The following TMBIM1 variants were observed in gnomAD, a reference collection of about 807,000 sequenced individuals.
TMBIM1 encodes transmembrane BAX inhibitor motif containing 1.
A neutral mutation model predicts 45.1 loss-of-function variants in TMBIM1; 34 were observed. That is an observed-to-expected ratio of 0.75 (90% CI 0.57 to 1.00). The LOEUF (loss-of-function observed/expected upper bound fraction) is 1.00. TMBIM1 is among the 50% of genes least tolerant of loss of function. The pLI is 0.00. For synonymous variants in TMBIM1, 157 were observed against 153.5 expected, an observed-to-expected ratio of 1.02 and a Z score of -0.17; for missense variants, 374 against 402.4, an observed-to-expected ratio of 0.93 and a Z score of 0.60.
chr2:218,291,163 A>T (rs1307914409), intron 1 of TMBIM1, among the ~76,000 whole-genome samples: 1 of 152,186 alleles, frequency 6.6e-6, no homozygotes, highest in Non-Finnish European at 1.5e-5. Context: ...CTTACAGGAT[A>T]ACCCATCATT....
intron 1 of TMBIM1, among the ~76,000 whole-genome samples, chr2:218,289,116 G>C (rs1465363484): frequency 1.3e-5 from 2 of 152,250 alleles, no homozygotes; most frequent in Non-Finnish European, 2.9e-5. Context: ...TGCGTGAATA[G>C]GCAGCACCAG....
intron 3 of TMBIM1, 149 bp downstream of exon 3, chr2:218,279,877 G>GC: frequency 1.5e-6 from 1 of 654,814 alleles, no homozygotes; most frequent in Non-Finnish European, 2.7e-6. Flanking sequence ...GAAGCCAGGT[G>GC]CCCCTCTGAG....
intron 1 of TMBIM1, chr2:218,287,152 G>A (rs769067285): frequency 5.9e-5 from 9 of 152,164 alleles, no homozygotes; most frequent in Non-Finnish European, 1.3e-4. Flanking sequence ...AGAGGATGAA[G>A]CCACAGGGAT....
At position 218,279,318 on chromosome 2, in the gene TMBIM1, A is replaced by G. The variant is rs1050673903; in HGVS notation, c.339T>C (p.Thr113=). The G allele has an allele frequency of 3.1e-6, 5 of 1,588,618 alleles. No individual in the cohort carries two copies. Among genetic ancestry groups the G allele is most frequent in the African/African-American group, 2.7e-5 (2 of 74,136 alleles). The change falls in exon 4 of 12, where the codon ACT becomes ACC. Residue 113 remains threonine, a synonymous_variant. Coordinates refer to ENST00000258412, the MANE Select transcript of TMBIM1 (RefSeq NM_022152.6). The part of the protein sequence containing the change: ...YSIISVQLLI[T]VAIIAIFTFV... ...AGGTGAAGATAGCAATGATGGCCAC[A>G]GTGATGAGCAGCTGCACGGAGATGA... is the stretch of plus-strand genomic sequence containing the variant.
At chr2:218,285,851 G>C (rs1448930605) in intron 1 of TMBIM1, 1 of 153,038 alleles carries the variant, frequency 6.5e-6, no homozygotes, top group African/African-American at 2.4e-5. Flanking sequence ...GCCTGCTCTT[G>C]GGCTTCTGCC....
At chr2:218,285,336 G>A (rs1692418665) in intron 1 of TMBIM1, among the ~76,000 whole-genome samples, 1 of 152,298 alleles carries the variant, frequency 6.6e-6, no homozygotes, top group East Asian at 1.9e-4. Context: ...CCAAGCCCCT[G>A]CTCTTAATCC....
intron 5 of TMBIM1, among the ~76,000 whole-genome samples, chr2:218,278,814 A>C (rs1267408281): frequency 6.6e-6 from 1 of 152,236 alleles, no homozygotes; most frequent in African/African-American, 2.4e-5. Context: ...GCTGCAGCGC[A>C]GCGTGCACGC....
chr2:218,290,987 G>A (rs1256131188), intron 1 of TMBIM1, among the ~76,000 whole-genome samples: 1 of 152,200 alleles, frequency 6.6e-6, no homozygotes, highest in Non-Finnish European at 1.5e-5. Context: ...AAGTATGTGT[G>A]TTTCCCTTCT....
chr2:218,289,417 G>A (rs557517094), intron 1 of TMBIM1, among the ~76,000 whole-genome samples: 12 of 152,146 alleles, frequency 7.9e-5, no homozygotes, highest in East Asian at 3.9e-4. Context: ...CGAGCCAGGC[G>A]GATCACTTGA....
chr2:218,277,826 G>A, intron 7 of TMBIM1, 109 bp downstream of exon 7: 1 of 1,555,832 alleles, frequency 6.4e-7, no homozygotes, highest in Non-Finnish European at 8.8e-7. Flanking sequence ...GCCCAGATAA[G>A]GTGGAGGAGA....
At chr2:218,286,168 A>C (rs1433258936) in intron 1 of TMBIM1, among the ~76,000 whole-genome samples, 1 of 152,082 alleles carries the variant, frequency 6.6e-6, no homozygotes, top group Non-Finnish European at 1.5e-5. Context: ...GAATTTTCCC[A>C]AAATACAGTA....
At chr2:218,279,426 G>C in intron 3 of TMBIM1, 73 bp from the exon 4 acceptor site, 1 of 1,393,462 alleles carries the variant, frequency 7.2e-7, no homozygotes, top group Non-Finnish European at 9.7e-7. Context: ...CCAGCCCCCA[G>C]TACTTTCCTC....
Position 218,280,069 on chromosome 2 carries a change from C to A in TMBIM1, c.260G>T (p.Gly87Val), listed in dbSNP as rs563490616. 5.0e-6 allele frequency: 8 copies of A among 1,614,178 alleles called. No individual in the cohort carries two copies. Among genetic ancestry groups the A allele is most frequent in the African/African-American group, 1.3e-5 (1 of 75,050 alleles). The change falls in exon 3 of 12, where the codon GGA (glycine) becomes GTA (valine). Residue 87 changes from glycine to valine, a missense_variant. By Grantham distance (109) the Gly-to-Val change is moderately radical. Coordinates refer to ENST00000258412, the MANE Select transcript of TMBIM1 (RefSeq NM_022152.6). ...ERAVSDSFGP[G>V]EWDDRKVRHT... is the part of the protein sequence containing the mutation. ...TCGCACTTTCCGGTCATCCCACTCT[C>A]CAGGCCCGAAGCTATCACTCACTGC...
chr2:218,276,901 C>T (rs1691272939), intron 10 of TMBIM1, 103 bp downstream of exon 10: 3 of 932,128 alleles, frequency 3.2e-6, no homozygotes, highest in Non-Finnish European at 5.1e-6. Context: ...TTCTGGAGGT[C>T]AGAGCCTGCC....
At chr2:218,282,975 T>C (rs1692181765) in intron 1 of TMBIM1, among the ~76,000 whole-genome samples, 1 of 152,026 alleles carries the variant, frequency 6.6e-6, no homozygotes, top group African/African-American at 2.4e-5. Context: ...AGAGAGTGAG[T>C]GCACGGCCCC....
rs373610767 is a variant in TMBIM1, at chr2:218,277,689, C to T, written c.514-19G>A. ...CAAAAGTCTAAGGGAAGGAGAGAGA[C>T]AAGAATGAAACACTTAAAAAGGAAG... is the stretch of plus-strand genomic sequence containing the variant. On this transcript the variant is annotated intron_variant, in intron 7 of 11. Transcript: ENST00000258412. 2 of 1,613,920 alleles carry T rather than the reference C, an allele frequency of 1.2e-6. No homozygotes were observed. The highest frequency in any genetic ancestry group is 1.1e-5 in the South Asian group (1 of 91,084).
intron 1 of TMBIM1, among the ~76,000 whole-genome samples, chr2:218,283,446 TAGG>T (rs897472095): frequency 6.6e-6 from 1 of 152,124 alleles, no homozygotes; most frequent in Non-Finnish European, 1.5e-5. Flanking sequence ...GATGCAGGCT[TAGG>T]AGGAGCTAAG....
Position 218,275,985 on chromosome 2 carries a change from A to G in TMBIM1, c.789+41T>C. 1.9e-6 allele frequency: 3 copies of G among 1,593,316 alleles called. No homozygotes were observed. The South Asian group carries it at 3.4e-5, about 18-fold the overall frequency. On this transcript the variant is annotated intron_variant, in intron 11 of 11. Transcript: ENST00000258412. Reference sequence around the variant, plus strand: ...CCCCCTTCCCTAGATTCCTCCCCTCATCCCCTCAGCTCCCCTTCCTAGAGT... The same window carrying G: ...CCCCCTTCCCTAGATTCCTCCCCTCGTCCCCTCAGCTCCCCTTCCTAGAGT...
At chr2:218,288,566 C>T (rs1391070452) in intron 1 of TMBIM1, among the ~76,000 whole-genome samples, 12 of 152,224 alleles carry the variant, frequency 7.9e-5, no homozygotes, top group Non-Finnish European at 1.5e-5. Flanking sequence ...GCTCCACAAT[C>T]TAAAACATTT....
Sources: gnomAD v4.1 joint callset for allele counts (sites outside exome capture counted in the v4.1 genomes callset) on GRCh38, gnomAD v4.1.1 for gene constraint, MANE v1.5 for transcripts, NCBI Gene and HGNC (gene_info 2026-07-23, HGNC 2026-07-21) for gene names.